The following EXT1 variants were observed in gnomAD, a reference collection of about 807,000 sequenced individuals.
The protein encoded by EXT1 is exostosin-1.
In EXT1, 20 loss-of-function variants were observed where a neutral mutation model predicts 82.5. That is an observed-to-expected ratio of 0.24 (90% confidence interval 0.17 to 0.35). The LOEUF is 0.35. Among genes scored for constraint, EXT1 ranks in the 10% least tolerant of loss-of-function variants. EXT1 has a pLI of 1.00. For synonymous variants in EXT1, 348 were observed against 350.8 expected (o/e 0.99, Z 0.09); for missense variants, 757 against 936.5 (o/e 0.81, Z 2.50).
chr8:118,050,799 A>C (rs1816705131), intron 1 of EXT1, among the ~76,000 whole-genome samples: 1 of 152,228 alleles, frequency 6.6e-6, no homozygotes, highest in Non-Finnish European at 1.5e-5. Context: ...CACCAGGTCT[A>C]CACCATCCAT....
At chr8:118,038,167 T>A (rs1332838669) in intron 1 of EXT1, among the ~76,000 whole-genome samples, 4 of 152,182 alleles carry the variant, frequency 2.6e-5, no homozygotes, top group African/African-American at 9.6e-5. Flanking sequence ...AATTAAGGAT[T>A]TGAGTTCTGA....
At chr8:117,904,172 C>T (rs1195536696) in intron 1 of EXT1, among the ~76,000 whole-genome samples, 1 of 152,216 alleles carries the variant, frequency 6.6e-6, no homozygotes, top group Non-Finnish European at 1.5e-5. Context: ...GTGAGAATAA[C>T]TTCTCAAATA....
At chr8:118,026,347 TTGTGGCATGC>T (rs1816201762) in intron 1 of EXT1, among the ~76,000 whole-genome samples, 1 of 152,212 alleles carries the variant, frequency 6.6e-6, no homozygotes, top group Non-Finnish European at 1.5e-5. Flanking sequence ...TATGCAAAGT[TTGTGGCATGC>T]TGTTGCTTGA....
chr8:117,856,269 T>G (rs6469712), intron 1 of EXT1, among the ~76,000 whole-genome samples: 144,436 of 146,508 alleles, frequency 0.99, 71,269 homozygotes, highest in Non-Finnish European at 1. Flanking sequence ...TTTTTTTTTG[T>G]GGGGGGACGG....
At chr8:117,948,044 A>G (rs1483437694) in intron 1 of EXT1, among the ~76,000 whole-genome samples, 1 of 152,184 alleles carries the variant, frequency 6.6e-6, no homozygotes, top group Non-Finnish European at 1.5e-5. Flanking sequence ...TAATCAGTCC[A>G]TCAACACTCT....
At chr8:117,895,161 A>C (rs1376977325) in intron 1 of EXT1, among the ~76,000 whole-genome samples, 1 of 152,122 alleles carries the variant, frequency 6.6e-6, no homozygotes, top group South Asian at 2.1e-4. Context: ...ACAGTGAGTG[A>C]TTTGATAACA....
At chr8:117,940,571 C>T (rs540816989) in intron 1 of EXT1, among the ~76,000 whole-genome samples, 3 of 152,270 alleles carry the variant, frequency 2.0e-5, no homozygotes, top group East Asian at 1.9e-4. Context: ...AATTAAAACA[C>T]GCTGCACCCT....
At chr8:118,106,934 G>A (rs1817811449) in intron 1 of EXT1, among the ~76,000 whole-genome samples, 1 of 151,756 alleles carries the variant, frequency 6.6e-6, no homozygotes, top group Non-Finnish European at 1.5e-5. Flanking sequence ...TGAACGTCTG[G>A]GTCAAAAAAT....
intron 3 of EXT1, among the ~76,000 whole-genome samples, chr8:117,832,211 C>T (rs1563574272): frequency 6.6e-6 from 1 of 152,136 alleles, no homozygotes; most frequent in Admixed American, 6.5e-5. Context: ...TTTATCGTAG[C>T]CACAAGGAAA....
At chr8:118,109,083 G>T (rs893901436) in intron 1 of EXT1, among the ~76,000 whole-genome samples, 1 of 152,162 alleles carries the variant, frequency 6.6e-6, no homozygotes, top group South Asian at 2.1e-4. Flanking sequence ...CCAAGCTCAG[G>T]ATAAAGCAGA....
chr8:117,930,073 C>T (rs1056218379), intron 1 of EXT1, among the ~76,000 whole-genome samples: 2 of 151,248 alleles, frequency 1.3e-5, no homozygotes, highest in African/African-American at 4.9e-5. Context: ...CATTGCACTG[C>T]AGCCTGGGCA....
intron 1 of EXT1, among the ~76,000 whole-genome samples, chr8:118,065,226 C>A (rs994129768): frequency 4.6e-5 from 7 of 152,154 alleles, no homozygotes; most frequent in African/African-American, 1.7e-4. Context: ...CTGTGCATTT[C>A]TCTAATGACC....
intron 1 of EXT1, among the ~76,000 whole-genome samples, chr8:118,092,658 G>GA (rs1563653494): frequency 6.6e-6 from 1 of 152,146 alleles, no homozygotes. Flanking sequence ...GGACTAGGGG[G>GA]ACTTTCGAAA....
At chr8:118,087,328 C>G (rs1817439457) in intron 1 of EXT1, among the ~76,000 whole-genome samples, 1 of 152,156 alleles carries the variant, frequency 6.6e-6, no homozygotes, top group South Asian at 2.1e-4. Context: ...ATCAGATATT[C>G]ACATACTAAA....
At chr8:117,930,755 CGGA>C (rs1486266681) in intron 1 of EXT1, among the ~76,000 whole-genome samples, 1 of 152,112 alleles carries the variant, frequency 6.6e-6, no homozygotes, top group African/African-American at 2.4e-5. Flanking sequence ...GCTGCATTCC[CGGA>C]AGGTTAGTTG....
intron 1 of EXT1, among the ~76,000 whole-genome samples, chr8:117,952,669 C>A (rs755284183): frequency 6.6e-6 from 1 of 151,392 alleles, no homozygotes; most frequent in South Asian, 2.1e-4. Context: ...GGCTGAGGCA[C>A]AAGAATCGCT....
At position 117,980,697 on chromosome 8, in the gene EXT1, G is replaced by GTTTTTTTTTTTT. The variant is rs1491146564; in HGVS notation, c.962+129387_962+129388insAAAAAAAAAAAA. Among the ~76,000 whole-genome samples the GTTTTTTTTTTTT allele has an allele frequency of 4.0e-4, 11 of 27,582 alleles. 3 individuals are homozygous for GTTTTTTTTTTTT. Among genetic ancestry groups the GTTTTTTTTTTTT allele is most frequent in the East Asian group, 9.4e-4 (1 of 1,062 alleles). The allele number at this position is 27,582 out of a possible 152,430, so 18.1% of individuals were successfully genotyped here. The stretch of plus-strand genomic sequence containing the variant: ...AAGGTTTGTTTGTTCGGGTGTTGGT[G>GTTTTTTTTTTTT]GTTTTTTTTTTTTTTTTTTTTTTTT... On this transcript the variant is annotated intron_variant, in intron 1 of 10. Coordinates refer to ENST00000378204, the MANE Select transcript of EXT1 (RefSeq NM_000127.3).
chr8:117,981,623 T>C (rs1245280046), intron 1 of EXT1, among the ~76,000 whole-genome samples: 2 of 151,922 alleles, frequency 1.3e-5, no homozygotes, highest in East Asian at 3.9e-4. Flanking sequence ...GATCCCTCCC[T>C]CTTTGGGAGG....
intron 1 of EXT1, among the ~76,000 whole-genome samples, chr8:118,032,346 C>T (rs919348567): frequency 6.6e-6 from 1 of 151,758 alleles, no homozygotes; most frequent in African/African-American, 2.4e-5. Flanking sequence ...AATCTGTGCT[C>T]CACAGAGTCC....
Sources: gnomAD v4.1 joint callset for allele counts (sites outside exome capture counted in the v4.1 genomes callset) on GRCh38, gnomAD v4.1.1 for gene constraint, MANE v1.5 for transcripts, NCBI Gene and HGNC (gene_info 2026-07-23, HGNC 2026-07-21) for gene names.